MBOAT2: variants seen among roughly 807,000 people sequenced by gnomAD.
MBOAT2 encodes the protein membrane-bound glycerophospholipid O-acyltransferase 2.
In MBOAT2, 28 loss-of-function variants were observed where a neutral mutation model predicts 63.4. The ratio of observed to expected loss-of-function variants is 0.44; its 90% CI spans 0.33 to 0.61. The LOEUF is 0.61. Among genes scored for constraint, MBOAT2 ranks in the 20% least tolerant of loss-of-function variants. The pLI, the probability that MBOAT2 is intolerant of heterozygous loss-of-function variation, is 0.03. For missense variants in MBOAT2, 470 were observed against 605.8 expected (o/e 0.78, Z 2.35); for synonymous variants, 211 against 215.6 (o/e 0.98, Z 0.19).
Position 8,910,849 on chromosome 2 carries a change from G to A in MBOAT2, c.300-2133C>T, listed in dbSNP as rs557093027. The stretch of plus-strand genomic sequence containing the variant: ...AGTTCAAAATGAAAAGAGATGTTTA[G>A]GTCCCCAAATTTTACCCACAGGAAG... On this transcript the variant is annotated intron_variant, in intron 3 of 12. Coordinates refer to ENST00000305997, the MANE Select transcript of MBOAT2 (RefSeq NM_138799.4). 9.2e-5 allele frequency among the ~76,000 whole-genome samples: 14 copies of A among 152,230 alleles called. No individual in the cohort carries two copies. In the South Asian group the frequency reaches 2.9e-3, roughly 32 times the overall value.
intron 3 of MBOAT2, among the ~76,000 whole-genome samples, chr2:8,940,205 A>G (rs2103229163): frequency 6.6e-6 from 1 of 152,280 alleles, no homozygotes; most frequent in South Asian, 2.1e-4. Context: ...GAATATAAAG[A>G]GAAGGAACGG....
intron 1 of MBOAT2, among the ~76,000 whole-genome samples, chr2:8,963,175 T>C (rs571093229): frequency 6.6e-6 from 1 of 151,242 alleles, no homozygotes; most frequent in East Asian, 2.0e-4. Flanking sequence ...GAGGTCAAGG[T>C]TGCAGTGAGC....
At chr2:8,957,940 T>C (rs1029243463) in intron 2 of MBOAT2, among the ~76,000 whole-genome samples, 1 of 152,140 alleles carries the variant, frequency 6.6e-6, no homozygotes, top group Admixed American at 6.5e-5. Context: ...CCCTGAGGAT[T>C]GAGAAAGAGA....
chr2:8,885,178 G>A (rs1213702271), intron 5 of MBOAT2, among the ~76,000 whole-genome samples: 2 of 152,134 alleles, frequency 1.3e-5, no homozygotes, highest in Non-Finnish European at 2.9e-5. Context: ...GAAAATGATT[G>A]CTTATCATTT....
At chr2:8,949,285 G>A (rs1021081116) in intron 2 of MBOAT2, among the ~76,000 whole-genome samples, 2 of 152,120 alleles carry the variant, frequency 1.3e-5, no homozygotes, top group Admixed American at 6.5e-5. Flanking sequence ...TCTGTAGGTG[G>A]TCTGTTTACT....
intron 2 of MBOAT2, among the ~76,000 whole-genome samples, chr2:8,957,240 A>C (rs1573165367): frequency 6.6e-6 from 1 of 152,214 alleles, no homozygotes; most frequent in South Asian, 2.1e-4. Context: ...CAAAAGTTTG[A>C]AAAATATACA....
At chr2:8,904,622 T>C (rs1159827283) in intron 4 of MBOAT2, among the ~76,000 whole-genome samples, 1 of 152,118 alleles carries the variant, frequency 6.6e-6, no homozygotes, top group Non-Finnish European at 1.5e-5. Flanking sequence ...CAATACTGAG[T>C]TTTATTATTC....
intron 1 of MBOAT2, among the ~76,000 whole-genome samples, chr2:8,983,699 C>T (rs778805723): frequency 1.9e-4 from 29 of 152,074 alleles, no homozygotes; most frequent in Non-Finnish European, 4.1e-4. Context: ...TTACTACTTT[C>T]CTAATTTTGA....
At chr2:8,882,886 C>G (rs1002554839) in intron 5 of MBOAT2, among the ~76,000 whole-genome samples, 5 of 152,100 alleles carry the variant, frequency 3.3e-5, no homozygotes, top group Non-Finnish European at 7.4e-5. Flanking sequence ...AGGGGCATTA[C>G]AATTTTTCTA....
chr2:8,976,747 C>G (rs1670844888), intron 1 of MBOAT2, among the ~76,000 whole-genome samples: 1 of 152,110 alleles, frequency 6.6e-6, no homozygotes, highest in South Asian at 2.1e-4. Flanking sequence ...ATAATACCAG[C>G]AAATCAGAAG....
At chr2:8,876,028 T>C (rs1456321367) in intron 7 of MBOAT2, among the ~76,000 whole-genome samples, 1 of 152,218 alleles carries the variant, frequency 6.6e-6, no homozygotes, top group African/African-American at 2.4e-5. Context: ...CTCTAAGCCC[T>C]ACATTCACAG....
At chr2:8,929,843 G>C (rs888501119) in intron 3 of MBOAT2, among the ~76,000 whole-genome samples, 6 of 152,178 alleles carry the variant, frequency 3.9e-5, no homozygotes, top group Non-Finnish European at 8.8e-5. Flanking sequence ...CTCATTTCCT[G>C]CATCAGGACT....
intron 1 of MBOAT2, among the ~76,000 whole-genome samples, chr2:8,963,953 C>T (rs1359139169): frequency 6.6e-6 from 1 of 152,188 alleles, no homozygotes; most frequent in African/African-American, 2.4e-5. Context: ...ATCACAGCCA[C>T]CTTGCACAAC....
rs1667504383 is a variant in MBOAT2, at chr2:8,934,117, C to T, written c.299+9070G>A. Among the ~76,000 whole-genome samples the T allele has an allele frequency of 2.6e-5, 4 of 152,150 alleles. No homozygotes were observed. In the South Asian group the frequency reaches 8.3e-4, roughly 32 times the overall value. ...GACCTGGACATCCTATTACCTATTA[C>T]CAAGTAACTCCCTAAGGGAACTGAG... On this transcript the variant is annotated intron_variant, in intron 3 of 12. Coordinates refer to ENST00000305997, the MANE Select transcript of MBOAT2 (RefSeq NM_138799.4).
At chr2:8,893,081 G>A (rs1422832541) in intron 4 of MBOAT2, among the ~76,000 whole-genome samples, 3 of 138,084 alleles carry the variant, frequency 2.2e-5, no homozygotes, top group Non-Finnish European at 3.2e-5. Context: ...GGGGGAGGAG[G>A]CAGGGGGAGG....
At position 8,873,274 on chromosome 2, in the gene MBOAT2, A is replaced by G. The variant is rs753270161; in HGVS notation, c.717T>C (p.Val239=). The G allele has an allele frequency of 6.8e-6, 11 of 1,613,882 alleles. No homozygotes were observed. In the Admixed American group the frequency reaches 1.7e-4, roughly 24 times the overall value. The change falls in exon 8 of 13, where the codon GTT becomes GTC. Residue 239 remains valine, a synonymous_variant. Coordinates refer to ENST00000305997, the MANE Select transcript of MBOAT2 (RefSeq NM_138799.4). Reference sequence around the variant, plus strand: ...AGTGAAATAACAAGGACAGCCCACAAACTAAGAGCTTCTGAACAACCGCAG... The same window carrying G: ...AGTGAAATAACAAGGACAGCCCACAGACTAAGAGCTTCTGAACAACCGCAG... ...PNTAVVQKLL[V]CGLSLLFHLT...
At chr2:8,971,276 T>C (rs1004488071) in intron 1 of MBOAT2, among the ~76,000 whole-genome samples, 3 of 152,354 alleles carry the variant, frequency 2.0e-5, no homozygotes, top group African/African-American at 4.8e-5. Flanking sequence ...CACATGATTA[T>C]CTCAACAGAT....
At chr2:8,937,805 T>C (rs891644855) in intron 3 of MBOAT2, among the ~76,000 whole-genome samples, 2 of 152,144 alleles carry the variant, frequency 1.3e-5, no homozygotes, top group African/African-American at 2.4e-5. Flanking sequence ...TTTACTGAGA[T>C]CATACCATGC....
chr2:8,860,901 A>T, intron 11 of MBOAT2, 137 bp from the exon 12 acceptor site: 3 of 650,828 alleles, frequency 4.6e-6, no homozygotes, highest in Non-Finnish European at 7.7e-6. Context: ...GGGAATGTAC[A>T]CTGCTACTAT....
Sources: allele counts gnomAD v4.1 joint callset (sites outside exome capture counted in the v4.1 genomes callset), GRCh38; gene constraint gnomAD v4.1.1; transcripts MANE v1.5; gene names NCBI Gene and HGNC (gene_info 2026-07-23, HGNC 2026-07-21).